MME: variants seen among roughly 807,000 people sequenced by gnomAD.
MME encodes neprilysin.
MME carries 98 observed loss-of-function variants against 113.2 expected under a neutral mutation model. The ratio of observed to expected loss-of-function variants is 0.87; its 90% confidence interval spans 0.74 to 1.02. MME has a LOEUF of 1.02. MME is among the 50% of genes least tolerant of loss of function. MME has a pLI of 0.00. For missense variants in MME, 836 were observed against 896.0 expected (o/e 0.93, Z 0.86); for synonymous variants, 292 against 300.6 (o/e 0.97, Z 0.30).
At chr3:155,063,649 TTTG>T (rs1714265716) in intron 1 of MME, among the ~76,000 whole-genome samples, 14 of 122,732 alleles carry the variant, frequency 1.1e-4, no homozygotes, top group South Asian at 9.2e-4. Flanking sequence ...ATATATTATA[TTTG>T]ATTATATAAC....
At chr3:155,125,659 C>T (rs1307084515) in intron 8 of MME, among the ~76,000 whole-genome samples, 3 of 151,672 alleles carry the variant, frequency 2.0e-5, no homozygotes, top group African/African-American at 7.3e-5. Flanking sequence ...CGGGGTTTCA[C>T]CATTTTGGCC....
intron 8 of MME, among the ~76,000 whole-genome samples, chr3:155,133,193 A>C (rs2108294031): frequency 6.6e-6 from 1 of 151,544 alleles, no homozygotes; most frequent in Non-Finnish European, 1.5e-5. Context: ...ATCTCGTACA[A>C]TGGATTTAGC....
chr3:155,048,630 C>A (rs1412889622), intron 1 of MME, among the ~76,000 whole-genome samples: 1 of 151,962 alleles, frequency 6.6e-6, no homozygotes, highest in Non-Finnish European at 1.5e-5. Context: ...TTTTTTACAC[C>A]TGGATCCTCA....
At chr3:155,145,960 G>A (rs73875826) in intron 14 of MME, among the ~76,000 whole-genome samples, 1 of 152,118 alleles carries the variant, frequency 6.6e-6, no homozygotes, top group African/African-American at 2.4e-5. Flanking sequence ...GGAAATCCTG[G>A]GCTCATGTGA....
At chr3:155,045,330 A>G (rs1165290613) in intron 1 of MME, among the ~76,000 whole-genome samples, 2 of 151,668 alleles carry the variant, frequency 1.3e-5, no homozygotes, top group Non-Finnish European at 2.9e-5. Flanking sequence ...TTTGTATTTT[A>G]GTGGAGACAG....
rs761686411 is a variant in MME at position 155,116,714 on chromosome 3, A to G, written c.490A>G (p.Ile164Val). 3.1e-6 allele frequency: 5 copies of G among 1,613,652 alleles called. No homozygotes were observed. The highest frequency in any genetic ancestry group is 4.2e-6 in the Non-Finnish European group (5 of 1,179,806). Reference protein sequence around the residue: ...GEPLLKLLPDIYGWPVATENW... With the variant: ...GEPLLKLLPDVYGWPVATENW... ...ACCTCTACTCAAACTGTTACCAGAC[A>G]TATATGGGTGGCCAGTAGCAACAGA... Residue 164 changes from isoleucine (I) to valine (V), a missense_variant, in exon 6 of 23, where the codon ATA becomes GTA. Ile to Val is a conservative substitution (Grantham distance 29, BLOSUM62 3). Transcript: ENST00000360490.
chr3:155,151,821 G>A (rs149002943), intron 16 of MME, among the ~76,000 whole-genome samples: 177 of 152,168 alleles, frequency 1.2e-3, no homozygotes, highest in African/African-American at 4.0e-3. Context: ...GTAGGAATGG[G>A]AAGAGGGGAT....
Position 155,144,384 on chromosome 3 carries a change from G to A in MME, c.1343G>A (p.Arg448Gln), listed in dbSNP as rs752849341. The change falls in exon 14 of 23, where the codon CGA (arginine) becomes CAA (glutamine). Residue 448 changes from arginine to glutamine, a missense_variant. Physicochemically the swap from Arg to Gln is conservative, Grantham distance 43. Coordinates refer to ENST00000360490, the MANE Select transcript of MME (RefSeq NM_007289.4). ...GTCGAGGATTTGATTGCACAGATCCGAGAAGTTTTTATTCAGACTTTAGAT... is the reference window on the plus strand; with the variant it reads ...GTCGAGGATTTGATTGCACAGATCCAAGAAGTTTTTATTCAGACTTTAGAT... ...HVVEDLIAQIREVFIQTLDDL... is the reference protein window; with the variant it reads ...HVVEDLIAQIQEVFIQTLDDL... The A allele has an allele frequency of 1.1e-5, 17 of 1,612,654 alleles. No individual in the cohort carries two copies. The highest frequency in any genetic ancestry group is 5.3e-5 in the African/African-American group (4 of 74,856).
chr3:155,042,327 C>T (rs78644891), intron 1 of MME, among the ~76,000 whole-genome samples: 6,643 of 152,112 alleles, frequency 0.044, 158 homozygotes, highest in African/African-American at 0.052. Flanking sequence ...GTGATATGGA[C>T]CCACAATTTA....
chr3:155,084,365 AAG>A (rs1715468736), intron 2 of MME, 38 bp downstream of exon 2: 1 of 1,606,308 alleles, frequency 6.2e-7, no homozygotes, highest in Non-Finnish European at 8.5e-7. Context: ...ATAAGTGCAA[AAG>A]AGAAGGAAAT....
chr3:155,069,779 G>A (rs1189380043), intron 1 of MME, among the ~76,000 whole-genome samples: 1 of 152,084 alleles, frequency 6.6e-6, no homozygotes. Context: ...AATACCATCA[G>A]ATTAATGGAC....
intron 1 of MME, among the ~76,000 whole-genome samples, chr3:155,028,469 G>A (rs955242550): frequency 3.3e-5 from 5 of 152,176 alleles, no homozygotes; most frequent in Non-Finnish European, 5.9e-5. Context: ...CTCATTATTA[G>A]CAAGGGGATC....
At chr3:155,112,472 C>T (rs200534431) in intron 3 of MME, 3 of 152,148 alleles carry the variant, frequency 2.0e-5, no homozygotes, top group South Asian at 2.1e-4. Flanking sequence ...AAGCTTCATT[C>T]GTTCTATTAG....
At chr3:155,077,673 G>A (rs1450568171), upstream of MME, among the ~76,000 whole-genome samples, 1 of 151,724 alleles carries the variant, frequency 6.6e-6, no homozygotes, top group Non-Finnish European at 1.5e-5. Flanking sequence ...CCCAGAGTTA[G>A]AGACCAGCCT....
intron 8 of MME, among the ~76,000 whole-genome samples, chr3:155,127,252 C>T (rs1221622712): frequency 1.3e-5 from 2 of 152,150 alleles, no homozygotes; most frequent in Non-Finnish European, 2.9e-5. Flanking sequence ...CCAGATGAGG[C>T]AGGAAGCTCT....
chr3:155,042,602 T>C (rs1468367535), intron 1 of MME, among the ~76,000 whole-genome samples: 2 of 151,900 alleles, frequency 1.3e-5, no homozygotes, highest in Non-Finnish European at 2.9e-5. Flanking sequence ...TTCAAGGAGG[T>C]TGTGTATTTT....
At chr3:155,031,811 CCA>C (rs1712982596) in intron 1 of MME, among the ~76,000 whole-genome samples, 1 of 152,196 alleles carries the variant, frequency 6.6e-6, no homozygotes, top group Admixed American at 6.5e-5. Context: ...GTGCCCACCA[CCA>C]CACCCGGCTA....
intron 8 of MME, among the ~76,000 whole-genome samples, chr3:155,135,577 C>A (rs1178888537): frequency 6.6e-6 from 1 of 152,114 alleles, no homozygotes; most frequent in Non-Finnish European, 1.5e-5. Context: ...GTGATGCCTC[C>A]AGTCTTGTTC....
intron 17 of MME, among the ~76,000 whole-genome samples, chr3:155,164,932 T>G (rs1400595934): frequency 6.6e-6 from 1 of 152,162 alleles, no homozygotes; most frequent in Non-Finnish European, 1.5e-5. Flanking sequence ...TGAAGTCTTC[T>G]CTGTAAATAT....
Sources: gnomAD v4.1 joint callset for allele counts (sites outside exome capture counted in the v4.1 genomes callset) on GRCh38, gnomAD v4.1.1 for gene constraint, MANE v1.5 for transcripts, NCBI Gene and HGNC (gene_info 2026-07-23, HGNC 2026-07-21) for gene names.